YBEY: variants seen among roughly 807,000 people sequenced by gnomAD.
YBEY encodes endoribonuclease YbeY.
In YBEY, 15 loss-of-function variants were observed where a neutral mutation model predicts 13.5. The observed-to-expected ratio is 1.11, with a 90% CI of 0.75 to 1.72. YBEY has a LOEUF of 1.72. Ranked by LOEUF, YBEY falls within the 40% of genes most tolerant of loss-of-function variation. YBEY has a pLI of 0.00. For synonymous variants in YBEY, 101 were observed against 83.1 expected (o/e 1.21, Z -1.17); for missense variants, 244 against 208.4 (o/e 1.17, Z -1.05).
the YBEY span, among the ~76,000 whole-genome samples, chr21:46,306,328 G>A: frequency 7.9e-5 from 12 of 151,708 alleles, no homozygotes; most frequent in South Asian, 6.3e-4. Context: ...GTGAAACCCC[G>A]TCTCAACTAA....
At chr21:46,306,918 C>CA in the YBEY span, among the ~76,000 whole-genome samples, 1 of 148,106 alleles carries the variant, frequency 6.8e-6, no homozygotes, top group African/African-American at 2.5e-5. Flanking sequence ...TTTTTTAAGA[C>CA]AGAGTCTTGG....
intron 3 of YBEY, among the ~76,000 whole-genome samples, chr21:46,295,093 G>T (rs1012713624): frequency 1.1e-4 from 17 of 152,044 alleles, no homozygotes; most frequent in Middle Eastern, 3.2e-3. Context: ...AACTGTGGGC[G>T]GGGGGGTATG....
At chr21:46,310,497 T>A in the YBEY span, among the ~76,000 whole-genome samples, 17,035 of 127,118 alleles carry the variant, frequency 0.13, 1,260 homozygotes, top group African/African-American at 0.27. Context: ...AAAATAAAAA[T>A]AAAAAAAAAA....
At chr21:46,302,547 C>T (rs763570004), downstream of YBEY, 47 of 1,612,334 alleles carry the variant, frequency 2.9e-5, no homozygotes, top group East Asian at 7.1e-4. Flanking sequence ...TGCACCTGTG[C>T]GTTCTGCAGC....
In YBEY at chr21:46,287,124, G is replaced by GAAAA; in HGVS notation, c.210+1_210+2insAAAA. 3 of 1,216,178 alleles carry GAAAA rather than the reference G, an allele frequency of 2.5e-6. No individual in the cohort carries two copies. The highest frequency in any genetic ancestry group is 3.3e-6 in the Non-Finnish European group (3 of 896,408). The allele number at this position is 1,216,178 out of a possible 1,614,324, so 75.3% of individuals were successfully genotyped here. ...TGTGCTTTCTTTTCCATTTCATGAGGTAAAAAAAAAATGTTCCTCTTCTTG... is the reference window on the plus strand; with the variant it reads ...TGTGCTTTCTTTTCCATTTCATGAGGAAAATAAAAAAAAAATGTTCCTCTTCTTG... On this transcript the variant is annotated splice_donor_variant, in intron 2 of 4. Coordinates refer to ENST00000397701, the MANE Select transcript of YBEY (RefSeq NM_001314025.2). LOFTEE classifies it high-confidence loss of function.
At chr21:46,288,804 G>C (rs1441175261) in intron 2 of YBEY, among the ~76,000 whole-genome samples, 1 of 152,184 alleles carries the variant, frequency 6.6e-6, no homozygotes, top group Non-Finnish European at 1.5e-5. Context: ...GATCACTTGA[G>C]CCCAGGAGTT....
downstream of YBEY, among the ~76,000 whole-genome samples, chr21:46,299,750 GC>G (rs545785598): frequency 3.7e-4 from 54 of 147,382 alleles, no homozygotes; most frequent in East Asian, 4.8e-3. Context: ...TGTGCCCTGA[GC>G]CCCCCCCACC....
intron 3 of YBEY, chr21:46,291,895 G>A: frequency 2.1e-6 from 2 of 941,394 alleles, no homozygotes; most frequent in Non-Finnish European, 2.6e-6. Context: ...TGCAATTGTG[G>A]TATTGCAGTA....
At chr21:46,297,339 TGTGGCG>T (rs1455843658) in intron 4 of YBEY, among the ~76,000 whole-genome samples, 194 bp from the exon 5 acceptor site, 1 of 144,290 alleles carries the variant, frequency 6.9e-6, no homozygotes, top group Non-Finnish European at 1.5e-5. Context: ...TCTCCCGGCC[TGTGGCG>T]GTTCGTGCAC....
rs1422998776 is a variant in YBEY, at chr21:46,292,545, GGGACAGCCACGCA to G, written c.339+1084_339+1096del. Among the ~76,000 whole-genome samples the G allele has an allele frequency of 2.1e-3, 313 of 150,380 alleles. 25 individuals carry two copies. The highest frequency in any genetic ancestry group is 4.1e-3 in the African/African-American group (169 of 40,740). ...CTTGGCCTGTGCCCGGGACTGAGTG[GGGACAGCCACGCA>G]AGTTAAACTCTAGATTAAATTCCTC... On this transcript the variant is annotated intron_variant, in intron 3 of 4. Coordinates refer to ENST00000397701, the MANE Select transcript of YBEY (RefSeq NM_001314025.2).
downstream of YBEY, among the ~76,000 whole-genome samples, chr21:46,299,139 G>A (rs1301287950): frequency 6.9e-6 from 1 of 144,622 alleles, no homozygotes; most frequent in Non-Finnish European, 1.5e-5. Flanking sequence ...GCTAATTTTT[G>A]TATTTCTTAG....
chr21:46,311,703 C>G, the YBEY span: 8 of 472,104 alleles, frequency 1.7e-5, no homozygotes, highest in Non-Finnish European at 2.7e-5. Context: ...AACCAACCAA[C>G]CAACCAACCA....
intron 4 of YBEY, among the ~76,000 whole-genome samples, chr21:46,296,645 C>T (rs940271497): frequency 6.6e-6 from 1 of 152,116 alleles, no homozygotes; most frequent in Non-Finnish European, 1.5e-5. Context: ...CACGCAAGCC[C>T]GTGTTGGGAG....
At chr21:46,308,596 C>T in the YBEY span, among the ~76,000 whole-genome samples, 1 of 152,148 alleles carries the variant, frequency 6.6e-6, no homozygotes, top group Non-Finnish European at 1.5e-5. Flanking sequence ...TAAGCGAAAA[C>T]AAGAAGCAAC....
At chr21:46,298,661 C>T (rs1359659044), downstream of YBEY, among the ~76,000 whole-genome samples, 1 of 151,812 alleles carries the variant, frequency 6.6e-6, no homozygotes, top group African/African-American at 2.4e-5. Context: ...CATCTCCTGA[C>T]CTCGTGATCC....
chr21:46,302,222 T>A (rs930078886), downstream of YBEY: 4 of 1,432,300 alleles, frequency 2.8e-6, no homozygotes, highest in African/African-American at 5.8e-5. Flanking sequence ...CCCGCCCTGT[T>A]CCTAACTGGG....
downstream of YBEY, among the ~76,000 whole-genome samples, chr21:46,298,489 T>C (rs11909906): frequency 0.6 from 81,408 of 135,618 alleles, 26,061 homozygotes; most frequent in Non-Finnish European, 0.71. Flanking sequence ...AGTGCAGTGG[T>C]GCGATCTCGG....
intron 3 of YBEY, among the ~76,000 whole-genome samples, chr21:46,294,016 G>A (rs1299643667): frequency 4.4e-4 from 7 of 15,944 alleles, no homozygotes; most frequent in African/African-American, 6.5e-4. Flanking sequence ...CCGTGCCCGG[G>A]ACTCAGTGGA....
At chr21:46,302,996 T>C in the YBEY span, among the ~76,000 whole-genome samples, 3 of 151,514 alleles carry the variant, frequency 2.0e-5, no homozygotes, top group African/African-American at 4.8e-5. Flanking sequence ...GCCCTGAGTC[T>C]CTACTAAAAA....
Sources: allele counts gnomAD v4.1 joint callset (sites outside exome capture counted in the v4.1 genomes callset), GRCh38; gene constraint gnomAD v4.1.1; transcripts MANE v1.5; gene names NCBI Gene and HGNC (gene_info 2026-07-23, HGNC 2026-07-21).